MCM9: variants seen among roughly 807,000 people sequenced by gnomAD.
MCM9 encodes DNA helicase MCM9.
MCM9 carries 55 observed loss-of-function variants against 72.8 expected under a neutral mutation model. The observed-to-expected ratio is 0.76, with a 90% CI of 0.61 to 0.95. MCM9 has a LOEUF of 0.95. Ranked by LOEUF, MCM9 falls within the 40% of genes least tolerant of loss-of-function variation. The pLI is 0.00. For synonymous variants in MCM9, 480 were observed against 503.4 expected (o/e 0.95, Z 0.62); for missense variants, 1,279 against 1,377.0 (o/e 0.93, Z 1.13).
intron 11 of MCM9, among the ~76,000 whole-genome samples, 158 bp downstream of exon 11, chr6:118,827,769 A>T (rs1774260699): frequency 6.6e-6 from 1 of 152,180 alleles, no homozygotes; most frequent in African/African-American, 2.4e-5. Context: ...TCCTCAGAGG[A>T]GCAGAGATCT....
chr6:118,887,175 A>T lies in MCM9; in HGVS notation c.1150+24475T>A, dbSNP rs151223646. ...TCATATGAAAATTCAAGGGATGCAA[A>T]ATAGCCAATATTGAAAAAAAAGAAC... On this transcript the variant is annotated intron_variant, in intron 8 of 13. Coordinates refer to ENST00000619706, the MANE Select transcript of MCM9 (RefSeq NM_017696.3). Among the ~76,000 whole-genome samples the T allele has an allele frequency of 4.8e-3, 730 of 152,234 alleles. 9 individuals are homozygous for T. The highest frequency in any genetic ancestry group is 0.017 in the African/African-American group (706 of 41,512).
At chr6:118,933,504 CAAA>C (rs201751510) in intron 1 of MCM9, among the ~76,000 whole-genome samples, 21 of 130,880 alleles carry the variant, frequency 1.6e-4, no homozygotes, top group East Asian at 2.2e-4. Flanking sequence ...GACTCCGCCT[CAAA>C]AAAAAAAAAA....
At chr6:118,874,696 T>C (rs962161249) in intron 8 of MCM9, among the ~76,000 whole-genome samples, 1 of 152,220 alleles carries the variant, frequency 6.6e-6, no homozygotes, top group Non-Finnish European at 1.5e-5. Context: ...CTGAACAAAC[T>C]GAGAAAAAAA....
intron 9 of MCM9, among the ~76,000 whole-genome samples, chr6:118,835,609 G>A (rs926844420): frequency 2.0e-5 from 3 of 152,092 alleles, no homozygotes; most frequent in African/African-American, 7.2e-5. Context: ...TCTCTTTGTA[G>A]CAATTGTGAA....
intron 13 of MCM9, among the ~76,000 whole-genome samples, chr6:118,818,303 G>C (rs71338870): frequency 7.2e-5 from 11 of 152,160 alleles, no homozygotes; most frequent in African/African-American, 2.7e-4. Flanking sequence ...GTTAATTTTT[G>C]TATAAGGTGT....
At chr6:118,826,373 C>G in intron 12 of MCM9, 81 bp from the exon 13 acceptor site, 17 of 1,436,606 alleles carry the variant, frequency 1.2e-5, no homozygotes, top group Non-Finnish European at 1.4e-5. Flanking sequence ...CAGCAATCCC[C>G]GGGGGCTAAG....
intron 7 of MCM9, chr6:118,912,477 A>G (rs188331396): frequency 6.6e-6 from 1 of 152,318 alleles, no homozygotes; most frequent in East Asian, 1.9e-4. Context: ...TTCTTCAGCA[A>G]TTCTCAAGTG....
chr6:118,902,728 A>G (rs538614173), intron 8 of MCM9, among the ~76,000 whole-genome samples: 3 of 152,202 alleles, frequency 2.0e-5, no homozygotes, highest in Non-Finnish European at 4.4e-5. Flanking sequence ...GTCAGTGTAC[A>G]TGTTGCCAAA....
chr6:118,817,497 C>T (rs1356949393), intron 13 of MCM9, among the ~76,000 whole-genome samples: 1 of 152,142 alleles, frequency 6.6e-6, no homozygotes. Context: ...CATAGTACTC[C>T]ATGGTGTATA....
chr6:118,844,781 A>G (rs1232771667), intron 9 of MCM9, among the ~76,000 whole-genome samples: 1 of 151,748 alleles, frequency 6.6e-6, no homozygotes, highest in African/African-American at 2.4e-5. Context: ...TCCTATACAC[A>G]CTGATTGTCC....
intron 8 of MCM9, among the ~76,000 whole-genome samples, chr6:118,886,823 G>GGC (rs757259438): frequency 3.4e-4 from 51 of 152,058 alleles, no homozygotes; most frequent in Middle Eastern, 3.4e-3. Context: ...CGGATGTGGT[G>GGC]GCACACACAC....
At chr6:118,886,224 T>C (rs568676228) in intron 8 of MCM9, among the ~76,000 whole-genome samples, 1 of 152,170 alleles carries the variant, frequency 6.6e-6, no homozygotes, top group Non-Finnish European at 1.5e-5. Context: ...GCTAGTATCA[T>C]TTTTAGTGAT....
At position 118,930,149 on chromosome 6, in the gene MCM9, T is replaced by C. The variant is rs191111326; in HGVS notation, c.304+1271A>G. Among the ~76,000 whole-genome samples, 439 of 152,252 alleles carry C rather than the reference T, an allele frequency of 2.9e-3. 3 individuals carry two copies. The East Asian group carries it at 0.039, about 13-fold the overall frequency. ...TTTTTGAGACGGAGTCTCGCTCTGT[T>C]GCCCAGGCTGGAGTGCAATGGCGCG... On this transcript the variant is annotated intron_variant, in intron 3 of 13. Transcript: ENST00000619706.
intron 8 of MCM9, among the ~76,000 whole-genome samples, chr6:118,885,787 A>G (rs554707347): frequency 6.6e-6 from 1 of 152,348 alleles, no homozygotes; most frequent in East Asian, 1.9e-4. Flanking sequence ...TAGAGAGAAA[A>G]GAGGGAGAAG....
intron 9 of MCM9, among the ~76,000 whole-genome samples, chr6:118,843,688 G>GTA (rs766122361): frequency 0.14 from 9,155 of 63,890 alleles, 1,050 homozygotes; most frequent in Non-Finnish European, 0.17. Flanking sequence ...ATATATATGT[G>GTA]TATATATATA....
chr6:118,890,568 TA>T (rs1395460511), intron 8 of MCM9, among the ~76,000 whole-genome samples: 6 of 152,254 alleles, frequency 3.9e-5, no homozygotes, highest in Non-Finnish European at 7.3e-5. Context: ...AAGGTCTTTG[TA>T]TGTCTTATCT....
chr6:118,911,619 T>C lies in MCM9; in HGVS notation c.1150+31A>G, dbSNP rs201292372. Reference sequence around the variant, plus strand: ...CATTGTGTTAACTTCTGAAGTAATGTTAAATTACTTGAAATTGTCACATAC... The same window carrying C: ...CATTGTGTTAACTTCTGAAGTAATGCTAAATTACTTGAAATTGTCACATAC... On this transcript the variant is annotated intron_variant, in intron 8 of 13. Transcript: ENST00000619706. The C allele has an allele frequency of 2.8e-4, 439 of 1,591,576 alleles. 2 individuals are homozygous for C. Among genetic ancestry groups the C allele is most frequent in the Non-Finnish European group, 1.5e-4 (177 of 1,168,650 alleles).
chr6:118,894,807 C>G (rs568020975), intron 8 of MCM9, among the ~76,000 whole-genome samples: 1 of 152,312 alleles, frequency 6.6e-6, no homozygotes, highest in South Asian at 2.1e-4. Flanking sequence ...CTCGGAGACC[C>G]GCACTCGCTC....
chr6:118,894,930 G>A (rs1485752520), intron 8 of MCM9, among the ~76,000 whole-genome samples: 1 of 152,154 alleles, frequency 6.6e-6, no homozygotes, highest in Non-Finnish European at 1.5e-5. Flanking sequence ...GTGTGGTCGC[G>A]CCGGCGAGTT....
Sources: allele counts gnomAD v4.1 joint callset (sites outside exome capture counted in the v4.1 genomes callset), GRCh38; gene constraint gnomAD v4.1.1; transcripts MANE v1.5; gene names NCBI Gene and HGNC (gene_info 2026-07-23, HGNC 2026-07-21).